TBC1D22A: variants seen among roughly 807,000 people sequenced by gnomAD.
The protein encoded by TBC1D22A is putative GTPase activator.
A neutral mutation model predicts 60.2 loss-of-function variants in TBC1D22A; 38 were observed. That is an observed-to-expected ratio of 0.63 (90% CI 0.49 to 0.83). The LOEUF (loss-of-function observed/expected upper bound fraction) is 0.83. Among genes scored for constraint, TBC1D22A ranks in the 40% least tolerant of loss-of-function variants. TBC1D22A has a pLI of 0.00. For missense variants in TBC1D22A, 628 were observed against 701.0 expected, an observed-to-expected ratio of 0.90 and a Z score of 1.18; for synonymous variants, 302 against 281.7, an observed-to-expected ratio of 1.07 and a Z score of -0.72.
rs112920914 is a variant in TBC1D22A at position 46,969,963 on chromosome 22, A to G, written c.1016-4327A>G. Among the ~76,000 whole-genome samples, 573 of 152,300 alleles carry G rather than the reference A, an allele frequency of 3.8e-3. 5 individuals carry two copies. The highest frequency in any genetic ancestry group is 0.013 in the African/African-American group (548 of 41,560). ...CATTATTTTTAATTATGTGTTTGCAAAAATGTCACTGTAGAAAGTCCCCAC... is the reference window on the plus strand; with the variant it reads ...CATTATTTTTAATTATGTGTTTGCAGAAATGTCACTGTAGAAAGTCCCCAC... On this transcript the variant is annotated intron_variant, in intron 8 of 12. Transcript: ENST00000337137.
At chr22:47,010,653 AT>A (rs2061725189) in intron 10 of TBC1D22A, among the ~76,000 whole-genome samples, 1 of 152,110 alleles carries the variant, frequency 6.6e-6, no homozygotes, top group Non-Finnish European at 1.5e-5. Flanking sequence ...TGTTGGAATC[AT>A]TTTGGTGAAC....
At chr22:46,793,464 C>G (rs755155720) in intron 2 of TBC1D22A, 37 bp from the exon 3 acceptor site, 1 of 1,606,138 alleles carries the variant, frequency 6.2e-7, no homozygotes, top group Admixed American at 1.7e-5. Context: ...GTGAAGCCTT[C>G]GAGCATGTAC....
intron 7 of TBC1D22A, among the ~76,000 whole-genome samples, chr22:46,909,217 G>T (rs1484084032): frequency 6.6e-6 from 1 of 152,130 alleles, no homozygotes; most frequent in Non-Finnish European, 1.5e-5. Flanking sequence ...GCGTGCATGT[G>T]TGAGACAGGC....
chr22:46,769,432 T>G (rs61415989), intron 1 of TBC1D22A, among the ~76,000 whole-genome samples: 209 of 152,360 alleles, frequency 1.4e-3, no homozygotes, highest in African/African-American at 4.8e-3. Flanking sequence ...ACGCCTGCCC[T>G]GTGAACACAT....
chr22:47,135,806 G>C (rs775409822), intron 12 of TBC1D22A, among the ~76,000 whole-genome samples: 1 of 152,362 alleles, frequency 6.6e-6, no homozygotes, highest in African/African-American at 2.4e-5. Flanking sequence ...TTCGCCCAGC[G>C]CTTGTTCACT....
rs6009056 is a variant in TBC1D22A, at chr22:46,921,661, A to G, written c.1015+9473A>G. Among the ~76,000 whole-genome samples the G allele has an allele frequency of 8.0e-3, 1,211 of 152,182 alleles. 8 individuals are homozygous for G. The highest frequency in any genetic ancestry group is 0.028 in the African/African-American group (1,155 of 41,522). On this transcript the variant is annotated intron_variant, in intron 8 of 12. Transcript: ENST00000337137. Reference sequence around the variant, plus strand: ...TCTGCTTTAAGTTATTAGAGAAATCACCGAACTGCTTTCCATAGTGGCTGA... The same window carrying G: ...TCTGCTTTAAGTTATTAGAGAAATCGCCGAACTGCTTTCCATAGTGGCTGA...
At chr22:47,037,746 G>C (rs1023835302) in intron 11 of TBC1D22A, among the ~76,000 whole-genome samples, 2 of 152,188 alleles carry the variant, frequency 1.3e-5, no homozygotes, top group Non-Finnish European at 2.9e-5. Context: ...GTTTCATTCT[G>C]CCTGCGTGGT....
rs558161275 is a variant in TBC1D22A at position 46,963,094 on chromosome 22, G to A, written c.1016-11196G>A. Among the ~76,000 whole-genome samples the A allele has an allele frequency of 8.6e-5, 13 of 151,818 alleles. No individual in the cohort carries two copies. In the South Asian group the frequency reaches 2.5e-3, roughly 29 times the overall value. ...AAATTAGCTGGGCGTGGTGGTGGGC[G>A]CCTGTAGTCCCAGCTGCTTGGGAGG... On this transcript the variant is annotated intron_variant, in intron 8 of 12. Coordinates refer to ENST00000337137, the MANE Select transcript of TBC1D22A (RefSeq NM_014346.5).
rs1246208793 is a variant in TBC1D22A, at chr22:46,777,628, G to A, written c.62+14780G>A. 6.6e-6 allele frequency among the ~76,000 whole-genome samples: 1 copy of A among 152,198 alleles called. No individual in the cohort carries two copies. Among genetic ancestry groups the A allele is most frequent in the African/African-American group, 2.4e-5 (1 of 41,448 alleles). On this transcript the variant is annotated intron_variant, in intron 1 of 12. Coordinates refer to ENST00000337137, the MANE Select transcript of TBC1D22A (RefSeq NM_014346.5). This position sits in a 1 kb window ranked among gnomAD's most constrained non-coding sequence, Gnocchi z 4.5. ...CACAGAAGAGTCTGGGGCATGCAGA[G>A]AGGCTGGCAGGAGGCAGAGGAGGGA... is the stretch of plus-strand genomic sequence containing the variant.
At chr22:46,876,125 A>G (rs1005522367) in intron 4 of TBC1D22A, among the ~76,000 whole-genome samples, 6 of 152,190 alleles carry the variant, frequency 3.9e-5, no homozygotes, top group Admixed American at 3.3e-4. Flanking sequence ...TTTTGTGGGA[A>G]CACCATAGGG....
chr22:47,005,522 C>T (rs1402055147), intron 10 of TBC1D22A, among the ~76,000 whole-genome samples: 1 of 151,640 alleles, frequency 6.6e-6, no homozygotes, highest in Non-Finnish European at 1.5e-5. Flanking sequence ...GCCTGTAACA[C>T]ACACCTTCCC....
chr22:46,835,930 T>A (rs961360686), intron 4 of TBC1D22A, among the ~76,000 whole-genome samples: 1 of 152,040 alleles, frequency 6.6e-6, no homozygotes, highest in African/African-American at 2.4e-5. Context: ...TGGGCTGATA[T>A]ATTCAAAGTA....
chr22:47,054,907 G>A (rs377481917), intron 11 of TBC1D22A, among the ~76,000 whole-genome samples: 1 of 152,226 alleles, frequency 6.6e-6, no homozygotes, highest in South Asian at 2.1e-4. Context: ...TGTGGGTGCA[G>A]TTGGCACTCT....
chr22:47,150,855 G>A lies in TBC1D22A; in HGVS notation c.1426-22643G>A, dbSNP rs1364604012. The stretch of plus-strand genomic sequence containing the variant: ...TGGGACCAGATAGCTAGAGACCTCC[G>A]CCCCCACCACCCTGCTGAATGATGG... On this transcript the variant is annotated intron_variant, in intron 12 of 12. Coordinates refer to ENST00000337137, the MANE Select transcript of TBC1D22A (RefSeq NM_014346.5). 4.6e-5 allele frequency among the ~76,000 whole-genome samples: 7 copies of A among 152,184 alleles called. No homozygotes were observed. The East Asian group carries it at 5.8e-4, about 13-fold the overall frequency.
At chr22:47,061,105 C>T (rs984366042) in intron 11 of TBC1D22A, among the ~76,000 whole-genome samples, 1 of 151,164 alleles carries the variant, frequency 6.6e-6, no homozygotes, top group East Asian at 2.0e-4. Context: ...CTGTCTTCCT[C>T]GGTGCCCTCA....
At chr22:47,096,394 C>A (rs565549607) in intron 11 of TBC1D22A, among the ~76,000 whole-genome samples, 9 of 152,310 alleles carry the variant, frequency 5.9e-5, no homozygotes, top group African/African-American at 1.9e-4. Flanking sequence ...ATTCTGGATA[C>A]GAATCCTTTG....
intron 4 of TBC1D22A, among the ~76,000 whole-genome samples, chr22:46,839,011 G>A (rs2086637418): frequency 6.6e-6 from 1 of 152,146 alleles, no homozygotes; most frequent in South Asian, 2.1e-4. Flanking sequence ...AGAGCAATTA[G>A]ACAGTAAAAA....
At chr22:47,043,544 G>A (rs904948747) in intron 11 of TBC1D22A, among the ~76,000 whole-genome samples, 2 of 152,236 alleles carry the variant, frequency 1.3e-5, no homozygotes, top group African/African-American at 2.4e-5. Context: ...CCAGCAGTCA[G>A]CAAGAGTGCG....
chr22:46,969,896 G>C (rs1042906093), intron 8 of TBC1D22A, among the ~76,000 whole-genome samples: 5 of 152,152 alleles, frequency 3.3e-5, no homozygotes, highest in Non-Finnish European at 5.9e-5. Context: ...AAAAGTAAAA[G>C]ATACAATCAT....
Sources: gnomAD v4.1 joint callset for allele counts (sites outside exome capture counted in the v4.1 genomes callset) on GRCh38, gnomAD v4.1.1 for gene constraint, Gnocchi (gnomAD v3.1) non-coding constraint, MANE v1.5 for transcripts, NCBI Gene and HGNC (gene_info 2026-07-23, HGNC 2026-07-21) for gene names.